Variants in TF observed in about 807,000 individuals in gnomAD.
TF encodes the protein serotransferrin.
TF carries 55 observed loss-of-function variants against 82.4 expected under a neutral mutation model. The observed-to-expected ratio is 0.67, with a 90% CI of 0.54 to 0.84. The LOEUF is 0.84. TF is among the 40% of genes least tolerant of loss of function. The pLI, the probability that TF is intolerant of heterozygous loss-of-function variation, is 0.00. For missense variants in TF, 737 were observed against 868.4 expected, an observed-to-expected ratio of 0.85 and a Z score of 1.90; for synonymous variants, 332 against 332.6, an observed-to-expected ratio of 1.00 and a Z score of 0.02.
At chr3:133,730,612 C>T in the TF span, among the ~76,000 whole-genome samples, 1 of 152,142 alleles carries the variant, frequency 6.6e-6, no homozygotes, top group African/African-American at 2.4e-5. Context: ...TCTGCTTTGT[C>T]CCAATTCTAA....
chr3:133,708,979 G>C, the TF span, among the ~76,000 whole-genome samples: 2 of 152,224 alleles, frequency 1.3e-5, no homozygotes, highest in East Asian at 3.9e-4. Flanking sequence ...CCCACCCATA[G>C]TGAAAGAGAG....
rs2107947342 is a variant in TF at position 133,787,029 on chromosome 3, G to C, written c.*8409G>C. ...CTTGTTCAATGGTTTAGAAATGGGA[G>C]GGAAGAAATTGCCAAAGGTAATATG... On this transcript the variant is annotated 3_prime_UTR_variant, in exon 17 of 17. Coordinates refer to ENST00000402696, the MANE Select transcript of TF (RefSeq NM_001063.4). The C allele has an allele frequency of 6.6e-6, 1 of 152,276 alleles. No individual in the cohort carries two copies. Among genetic ancestry groups the C allele is most frequent in the Admixed American group, 6.5e-5 (1 of 15,288 alleles). The allele number at this position is 152,276 out of a possible 1,614,324, so 9.4% of individuals were successfully genotyped here.
At chr3:133,762,333 C>G (rs8177265) in intron 9 of TF, 295 of 157,200 alleles carry the variant, frequency 1.9e-3, no homozygotes, top group African/African-American at 6.9e-3. Context: ...GAGAGTAGCT[C>G]TCTAACAGTT....
chr3:133,677,028 C>T, the TF span, among the ~76,000 whole-genome samples: 14 of 152,156 alleles, frequency 9.2e-5, no homozygotes, highest in Non-Finnish European at 1.8e-4. Context: ...TGCAAAGTAG[C>T]TTGAATAAAA....
chr3:133,746,591 C>A (rs945356504), intron 1 of TF, 108 bp downstream of exon 1: 1 of 1,255,490 alleles, frequency 8.0e-7, no homozygotes. Flanking sequence ...GGCTGGAAGC[C>A]TGGGTGTCTG....
chr3:133,750,420 A>G (rs1053275852), intron 2 of TF, among the ~76,000 whole-genome samples: 3 of 151,502 alleles, frequency 2.0e-5, no homozygotes, highest in African/African-American at 7.3e-5. Flanking sequence ...AAACATCCAG[A>G]TGCAGCCTGG....
chr3:133,791,065 T>C lies in TF; in HGVS notation c.*12445T>C, dbSNP rs1257799426. The C allele has an allele frequency of 6.6e-6, 1 of 152,164 alleles. No individual in the cohort carries two copies. Among genetic ancestry groups the C allele is most frequent in the Non-Finnish European group, 1.5e-5 (1 of 68,036 alleles). The allele number at this position is 152,164 out of a possible 1,614,324, so 9.4% of individuals were successfully genotyped here. A position where few individuals can be genotyped will look rare whatever the true frequency, so the allele number is the denominator to read the frequency against. ...AAAATCATATATATTTTTTTTAAAT[T>C]TCTAGTGGAAGGCTTTTATTTGGTT... On this transcript the variant is annotated 3_prime_UTR_variant, in exon 17 of 17. Transcript: ENST00000402696.
chr3:133,705,799 G>A, the TF span, among the ~76,000 whole-genome samples: 1 of 152,158 alleles, frequency 6.6e-6, no homozygotes, highest in African/African-American at 2.4e-5. Flanking sequence ...AGTAATACTG[G>A]CTCAAAGGTA....
chr3:133,690,607 T>G, the TF span, among the ~76,000 whole-genome samples: 1 of 152,216 alleles, frequency 6.6e-6, no homozygotes. Flanking sequence ...TGTGTATGTG[T>G]ATGTGTGTTT....
At chr3:133,725,483 T>C in the TF span, among the ~76,000 whole-genome samples, 2 of 152,212 alleles carry the variant, frequency 1.3e-5, no homozygotes, top group Non-Finnish European at 2.9e-5. Context: ...ATAAGAATGC[T>C]TGTGATTTTT....
intron 2 of TF, 97 bp downstream of exon 2, chr3:133,748,681 A>G: frequency 6.9e-7 from 1 of 1,449,900 alleles, no homozygotes; most frequent in Non-Finnish European, 9.5e-7. Context: ...TAGGAGGCTG[A>G]TATATGGGGC....
the TF span, among the ~76,000 whole-genome samples, chr3:133,684,478 G>T: frequency 6.6e-6 from 1 of 152,134 alleles, no homozygotes; most frequent in African/African-American, 2.4e-5. Flanking sequence ...AAGAAAAAAA[G>T]AGAGAAGAAT....
intron 15 of TF, among the ~76,000 whole-genome samples, chr3:133,776,504 A>G (rs986420565): frequency 3.3e-5 from 5 of 152,190 alleles, no homozygotes; most frequent in Non-Finnish European, 5.9e-5. Flanking sequence ...CATTTAACAT[A>G]CATTTCCTAG....
intron 7 of TF, 64 bp from the exon 8 acceptor site, chr3:133,757,705 A>G: frequency 2.0e-6 from 3 of 1,471,272 alleles, no homozygotes; most frequent in Admixed American, 3.4e-5. Context: ...TTTTCTCTTC[A>G]GTCCCATTTC....
At chr3:133,710,827 C>T in the TF span, among the ~76,000 whole-genome samples, 5 of 152,204 alleles carry the variant, frequency 3.3e-5, no homozygotes, top group Non-Finnish European at 7.3e-5. Context: ...CTCCTGCCTT[C>T]CTTCCCTCCT....
At chr3:133,717,419 C>T in the TF span, among the ~76,000 whole-genome samples, 1 of 152,186 alleles carries the variant, frequency 6.6e-6, no homozygotes, top group African/African-American at 2.4e-5. Flanking sequence ...TCTGCTTCTC[C>T]CGTCTGCTTG....
chr3:133,683,400 C>T, the TF span, among the ~76,000 whole-genome samples: 1 of 152,128 alleles, frequency 6.6e-6, no homozygotes, highest in Admixed American at 6.5e-5. Context: ...TTAAAAGACA[C>T]AGACTGGCAA....
At position 133,792,837 on chromosome 3, in the gene TF, A is replaced by T. The variant is rs2107955455; in HGVS notation, c.*14217A>T. 6.6e-6 allele frequency: 1 copy of T among 152,328 alleles called. No individual in the cohort carries two copies. The allele number at this position is 152,328 out of a possible 1,614,324, so 9.4% of individuals were successfully genotyped here. On this transcript the variant is annotated 3_prime_UTR_variant, in exon 17 of 17. Coordinates refer to ENST00000402696, the MANE Select transcript of TF (RefSeq NM_001063.4). Reference sequence around the variant, plus strand: ...ATTGTAAAAAATTATGTGTGTGAACATATTGACTAAATTTAAAGGGGTATT... The same window carrying T: ...ATTGTAAAAAATTATGTGTGTGAACTTATTGACTAAATTTAAAGGGGTATT...
At chr3:133,755,622 C>T (rs1379540224) in intron 5 of TF, 127 bp downstream of exon 5, 1 of 1,336,426 alleles carries the variant, frequency 7.5e-7, no homozygotes, top group Non-Finnish European at 1.0e-6. Flanking sequence ...AATCCCCTCC[C>T]AGTGAGTCAG....
Sources: gnomAD v4.1 joint callset for allele counts (sites outside exome capture counted in the v4.1 genomes callset) on GRCh38, gnomAD v4.1.1 for gene constraint, MANE v1.5 for transcripts, NCBI Gene and HGNC (gene_info 2026-07-23, HGNC 2026-07-21) for gene names.